Variants in APLF observed in about 807,000 individuals in gnomAD.
The protein encoded by APLF is aprataxin and PNK-like factor.
In APLF, 61 loss-of-function variants were observed where a neutral mutation model predicts 55.6. The ratio of observed to expected loss-of-function variants is 1.10; its 90% CI spans 0.89 to 1.36. The LOEUF (loss-of-function observed/expected upper bound fraction) is 1.36, where lower values mean the gene tolerates loss of function less well. APLF is among the 40% of genes most tolerant of loss of function. The pLI is 0.00. For missense variants in APLF, 611 were observed against 602.5 expected (o/e 1.01, Z -0.15); for synonymous variants, 207 against 214.8 (o/e 0.96, Z 0.32).
chr2:68,513,814 G>GT (rs137999096), intron 5 of APLF, 134 bp downstream of exon 5: 25,145 of 974,868 alleles, frequency 0.026, 2,042 homozygotes, highest in African/African-American at 0.25. Context: ...GCCTAGCCTA[G>GT]TTTTTTTAGT....
At chr2:68,519,497 T>G (rs1466535213) in intron 5 of APLF, among the ~76,000 whole-genome samples, 1 of 149,672 alleles carries the variant, frequency 6.7e-6, no homozygotes, top group Non-Finnish European at 1.5e-5. Flanking sequence ...CCAGTTCACA[T>G]TGGTTCAATT....
intron 1 of APLF, among the ~76,000 whole-genome samples, chr2:68,473,949 C>T (rs907214188): frequency 6.6e-6 from 1 of 152,198 alleles, no homozygotes; most frequent in African/African-American, 2.4e-5. Context: ...AGATTTCCCC[C>T]CACTTCTGAT....
At position 68,538,224 on chromosome 2, in the gene APLF, A is replaced by G. The variant is rs1258504271; in HGVS notation, c.1157A>G (p.Tyr386Cys). 8 of 1,590,824 alleles carry G rather than the reference A, an allele frequency of 5.0e-6. No individual in the cohort carries two copies. In the East Asian group the frequency reaches 1.1e-4, roughly 22 times the overall value. Residue 386 changes from tyrosine to cysteine, a missense_variant, in exon 7 of 10, where the codon TAT (tyrosine) becomes TGT (cysteine). Physicochemically the swap from Tyr to Cys is radical, Grantham distance 194 (BLOSUM62 -2). Coordinates refer to ENST00000303795, the MANE Select transcript of APLF (RefSeq NM_173545.3). ...TCCTGCATGTATGGGGCAAACTGCT[A>G]TAGGTAAAATGAAATTACAGTAACA... Reference protein sequence around the residue: ...RTSCMYGANCYRKNPVHFQHF... With the variant: ...RTSCMYGANCCRKNPVHFQHF...
At chr2:68,567,314 G>A (rs935992351) in intron 8 of APLF, 27 bp from the exon 9 acceptor site, 18 of 1,591,720 alleles carry the variant, frequency 1.1e-5, no homozygotes, top group Non-Finnish European at 1.5e-5. Context: ...TGGAAGACTA[G>A]CTCTTATTTT....
chr2:68,531,394 A>C (rs1670251569), intron 6 of APLF: 1 of 152,188 alleles, frequency 6.6e-6, no homozygotes, highest in African/African-American at 2.4e-5. Context: ...AAGACTGTGC[A>C]CCGAAATGAT....
Position 68,538,290 on chromosome 2 carries a change from C to G in APLF, c.1160+63C>G, listed in dbSNP as rs1030657629. 148 of 1,392,824 alleles carry G rather than the reference C, an allele frequency of 1.1e-4. 1 individual carries two copies. The highest frequency in any genetic ancestry group is 6.2e-4 in the South Asian group (44 of 70,518). The allele number at this position is 1,392,824 out of a possible 1,614,324, so 86.3% of individuals were successfully genotyped here. A position where few individuals can be genotyped will look rare whatever the true frequency, so the allele number is the denominator to read the frequency against. ...TTGATAGCGTGTAGCTATGTAGATA[C>G]ATGCTACAGTATATTAAAAACTTAA... On this transcript the variant is annotated intron_variant, in intron 7 of 9. Transcript: ENST00000303795.
intron 7 of APLF, among the ~76,000 whole-genome samples, chr2:68,539,047 TTC>T (rs1264186414): frequency 6.6e-6 from 1 of 152,196 alleles, no homozygotes; most frequent in Admixed American, 6.5e-5. Context: ...TTTTAATATA[TTC>T]TGTTAATTTC....
At chr2:68,469,432 A>G (rs1183807816) in intron 1 of APLF, among the ~76,000 whole-genome samples, 8 of 152,216 alleles carry the variant, frequency 5.3e-5, no homozygotes, top group Admixed American at 5.2e-4. Context: ...CGACTTGCTA[A>G]TGTGAGATGA....
chr2:68,543,101 C>T (rs2104014133), intron 7 of APLF, among the ~76,000 whole-genome samples: 1 of 152,110 alleles, frequency 6.6e-6, no homozygotes, highest in Middle Eastern at 3.4e-3. Context: ...TAGTTAGATT[C>T]ATAAAAACAA....
intron 9 of APLF, among the ~76,000 whole-genome samples, chr2:68,570,241 A>G (rs1473980201): frequency 6.6e-6 from 1 of 151,434 alleles, no homozygotes; most frequent in Non-Finnish European, 1.5e-5. Flanking sequence ...TATTGAATGC[A>G]AAAGTAACCA....
intron 8 of APLF, among the ~76,000 whole-genome samples, chr2:68,566,374 A>G (rs896773767): frequency 8.6e-5 from 13 of 152,008 alleles, no homozygotes; most frequent in African/African-American, 2.4e-4. Flanking sequence ...TTTAATGTCT[A>G]CCTTGCTCCT....
At chr2:68,550,272 T>G (rs1248051103) in intron 8 of APLF, among the ~76,000 whole-genome samples, 1 of 152,092 alleles carries the variant, frequency 6.6e-6, no homozygotes, top group Non-Finnish European at 1.5e-5. Flanking sequence ...TACTCTCTTG[T>G]CTAGGCTGGG....
At chr2:68,559,239 G>A (rs1671101010) in intron 8 of APLF, among the ~76,000 whole-genome samples, 1 of 152,084 alleles carries the variant, frequency 6.6e-6, no homozygotes, top group African/African-American at 2.4e-5. Flanking sequence ...AGAGAGCAGT[G>A]TCTTCATATT....
chr2:68,490,509 A>G (rs1022693865), intron 2 of APLF, among the ~76,000 whole-genome samples: 9 of 152,194 alleles, frequency 5.9e-5, no homozygotes, highest in African/African-American at 2.2e-4. Context: ...TCATGTATAT[A>G]TTATGATTTG....
chr2:68,484,092 C>CT lies in APLF; in HGVS notation c.97-6097dup, dbSNP rs541798903. Among the ~76,000 whole-genome samples the CT allele has an allele frequency of 5.9e-5, 9 of 152,204 alleles. No homozygotes were observed. The South Asian group carries it at 1.7e-3, about 28-fold the overall frequency. On this transcript the variant is annotated intron_variant, in intron 1 of 9. Coordinates refer to ENST00000303795, the MANE Select transcript of APLF (RefSeq NM_173545.3). ...GATCACAGACTTTGATACAAAATATCTAAGTATTTCTGCTCATCACATAAG... is the reference window on the plus strand; with the variant it reads ...GATCACAGACTTTGATACAAAATATCTTAAGTATTTCTGCTCATCACATAAG...
At position 68,528,638 on chromosome 2, in the gene APLF, G is replaced by T. The variant is rs201971708; in HGVS notation, c.804+2396G>T. ...GTCTTTACCCAGCACCTTCAAGGCC[G>T]CCTTCTCTGGCCACAGGGAGCAGCC... On this transcript the variant is annotated intron_variant, in intron 6 of 9. Transcript: ENST00000303795. 65 of 1,526,640 alleles carry T rather than the reference G, an allele frequency of 4.3e-5. 1 individual carries two copies. The highest frequency in any genetic ancestry group is 5.6e-5 in the Non-Finnish European group (64 of 1,141,356). The allele number at this position is 1,526,640 out of a possible 1,614,324, so 94.6% of individuals were successfully genotyped here. A position where few individuals can be genotyped will look rare whatever the true frequency, so the allele number is the denominator to read the frequency against.
At chr2:68,552,207 T>TG (rs898111226) in intron 8 of APLF, among the ~76,000 whole-genome samples, 6 of 152,136 alleles carry the variant, frequency 3.9e-5, no homozygotes, top group Admixed American at 3.3e-4. Context: ...AAACACGACT[T>TG]GAGCTGGATA....
intron 1 of APLF, among the ~76,000 whole-genome samples, chr2:68,488,878 C>T (rs184830547): frequency 2.0e-4 from 30 of 151,990 alleles, no homozygotes; most frequent in South Asian, 1.7e-3. Flanking sequence ...TGCTAAATGA[C>T]GAGTTATTGG....
chr2:68,535,367 G>C (rs1417441219), intron 6 of APLF: 1 of 389,604 alleles, frequency 2.6e-6, no homozygotes, highest in South Asian at 2.0e-5. Context: ...CGACCTCATT[G>C]CGTTACTAAT....
Sources: allele counts gnomAD v4.1 joint callset (sites outside exome capture counted in the v4.1 genomes callset), GRCh38; gene constraint gnomAD v4.1.1; transcripts MANE v1.5; gene names NCBI Gene and HGNC (gene_info 2026-07-23, HGNC 2026-07-21).